FGFR4: variants seen among roughly 807,000 people sequenced by gnomAD.
FGFR4 encodes the protein hydroxyaryl-protein kinase.
In FGFR4, 63 loss-of-function variants were observed where a neutral mutation model predicts 89.9. The ratio of observed to expected loss-of-function variants is 0.70; its 90% CI spans 0.57 to 0.86. FGFR4 has a LOEUF of 0.86. Among genes scored for constraint, FGFR4 ranks in the 40% least tolerant of loss-of-function variants. The pLI is 0.00. For synonymous variants in FGFR4, 486 were observed against 479.4 expected, an observed-to-expected ratio of 1.01 and a Z score of -0.18; for missense variants, 928 against 1,106.7, an observed-to-expected ratio of 0.84 and a Z score of 2.29.
rs757780576 is a variant in FGFR4, at chr5:177,097,594, C to T, written c.2327C>T (p.Ser776Phe). Reference sequence around the variant, plus strand: ...GGTGGGGACGCCAGCAGCACCTGCTCCTCCAGCGATTCTGTCTTCAGCCAC... The same window carrying T: ...GGTGGGGACGCCAGCAGCACCTGCTTCTCCAGCGATTCTGTCTTCAGCCAC... The part of the protein sequence containing the change: ...PSGGDASSTC[S>F]SSDSVFSHDP... Residue 776 changes from serine to phenylalanine, a missense_variant, in exon 18 of 18, where the codon TCC (serine) becomes TTC (phenylalanine). Physicochemically the swap from Ser to Phe is radical, Grantham distance 155. Coordinates refer to ENST00000292408, the MANE Select transcript of FGFR4 (RefSeq NM_213647.3). 53 of 1,614,074 alleles carry T rather than the reference C, an allele frequency of 3.3e-5. No homozygotes were observed. The highest frequency in any genetic ancestry group is 4.3e-5 in the Non-Finnish European group (51 of 1,180,040).
rs537482839 is a variant in FGFR4, at chr5:177,097,833, G to C, written c.*157G>C. 2 of 889,046 alleles carry C rather than the reference G, an allele frequency of 2.2e-6. No individual in the cohort carries two copies. Among genetic ancestry groups the C allele is most frequent in the Admixed American group, 3.0e-5 (1 of 33,492 alleles). 55.1% of individuals were successfully genotyped at this position (889,046 alleles called of 1,614,324 possible). A position where few individuals can be genotyped will look rare whatever the true frequency, so the allele number is the denominator to read the frequency against. On this transcript the variant is annotated 3_prime_UTR_variant, in exon 18 of 18. Coordinates refer to ENST00000292408, the MANE Select transcript of FGFR4 (RefSeq NM_213647.3). ...CCGTGCCCTTGCCCTTGGAGCTGCC[G>C]TGCCTGTGTCCTGATGGCCCAAATG... is the stretch of plus-strand genomic sequence containing the variant.
chr5:177,097,235 T>G, intron 16 of FGFR4, 57 bp from the exon 17 acceptor site: 3 of 1,416,486 alleles, frequency 2.1e-6, no homozygotes, highest in Non-Finnish European at 2.9e-6. Flanking sequence ...CCCCCGGTCC[T>G]CCCCTTCCTC....
Position 177,092,318 on chromosome 5 carries a change from C to T in FGFR4, c.728-3C>T, listed in dbSNP as rs1462205343. On this transcript the variant is annotated splice_region_variant and splice_polypyrimidine_tract_variant and intron_variant, in intron 6 of 17. Transcript: ENST00000292408. ...AGGGTTGACTGTCTCGCCCGGTCCCCAGAGCGGTCCCCGCACCGGCCCATC... is the reference window on the plus strand; with the variant it reads ...AGGGTTGACTGTCTCGCCCGGTCCCTAGAGCGGTCCCCGCACCGGCCCATC... 1 of 1,566,602 alleles carries T rather than the reference C, an allele frequency of 6.4e-7. No homozygotes were observed. The highest frequency in any genetic ancestry group is 8.7e-7 in the Non-Finnish European group (1 of 1,152,086).
Position 177,097,607 on chromosome 5 carries a change from T to C in FGFR4, c.2340T>C (p.Ser780=), listed in dbSNP as rs1427242990. 6.2e-7 allele frequency: 1 copy of C among 1,614,222 alleles called. No individual in the cohort carries two copies. Among genetic ancestry groups the C allele is most frequent in the South Asian group, 1.1e-5 (1 of 91,092 alleles). ...DASSTCSSSD[S]VFSHDPLPLG... ...GCAGCACCTGCTCCTCCAGCGATTC[T>C]GTCTTCAGCCACGACCCCCTGCCAT... The change falls in exon 18 of 18, where the codon TCT becomes TCC. Residue 780 remains serine, a synonymous_variant. Transcript: ENST00000292408.
chr5:177,090,208 T>C (rs1440506621), intron 2 of FGFR4, 182 bp from the exon 3 acceptor site: 6 of 788,284 alleles, frequency 7.6e-6, no homozygotes, highest in South Asian at 1.4e-5. Context: ...GCCCCAAGAG[T>C]GTGGCATTTG....
In FGFR4 at chr5:177,095,785, C is replaced by A; in HGVS notation, c.1821+62C>A. 6.9e-7 allele frequency: 1 copy of A among 1,449,166 alleles called. No homozygotes were observed. Among genetic ancestry groups the A allele is most frequent in the Non-Finnish European group, 9.2e-7 (1 of 1,087,496 alleles). 89.8% of individuals were successfully genotyped at this position (1,449,166 alleles called of 1,614,324 possible). A position where few individuals can be genotyped will look rare whatever the true frequency, so the allele number is the denominator to read the frequency against. ...TCCAGCTCCACTCTCAGGCCTGTGG[C>A]ATTCAATGTCCCGACTTCTCCCTCT... is the stretch of plus-strand genomic sequence containing the variant. On this transcript the variant is annotated intron_variant, in intron 13 of 17. Coordinates refer to ENST00000292408, the MANE Select transcript of FGFR4 (RefSeq NM_213647.3). This position sits in a 1 kb window ranked among gnomAD's most constrained non-coding sequence, Gnocchi z 5.7.
Position 177,095,996 on chromosome 5 carries a change from G to A in FGFR4, c.1822-61G>A, listed in dbSNP as rs1784546566. 7 of 1,577,304 alleles carry A rather than the reference G, an allele frequency of 4.4e-6. No homozygotes were observed. Among genetic ancestry groups the A allele is most frequent in the Admixed American group, 3.5e-5 (2 of 56,630 alleles). ...CCCCTGCCCCCGGGCCTGCTGGGGG[G>A]TGGTGTGTGCTCAACTCCAGGCCAG... On this transcript the variant is annotated intron_variant, in intron 13 of 17. Transcript: ENST00000292408. This position sits in a 1 kb window ranked among gnomAD's most constrained non-coding sequence, Gnocchi z 5.7.
chr5:177,095,756 T>C lies in FGFR4; in HGVS notation c.1821+33T>C. 1 of 1,520,418 alleles carries C rather than the reference T, an allele frequency of 6.6e-7. No individual in the cohort carries two copies. The highest frequency in any genetic ancestry group is 8.8e-7 in the Non-Finnish European group (1 of 1,135,326). 94.2% of individuals were successfully genotyped at this position (1,520,418 alleles called of 1,614,324 possible). On this transcript the variant is annotated intron_variant, in intron 13 of 17. Coordinates refer to ENST00000292408, the MANE Select transcript of FGFR4 (RefSeq NM_213647.3). This position sits in a 1 kb window ranked among gnomAD's most constrained non-coding sequence, Gnocchi z 5.7. The stretch of plus-strand genomic sequence containing the variant: ...CGCTAGGGCTCTGAGCCCCTCTCAG[T>C]CTCTCCAGCTCCACTCTCAGGCCTG...
chr5:177,091,712 A>T lies in FGFR4; in HGVS notation c.631A>T (p.Met211Leu), dbSNP rs141468552. 39 of 1,614,086 alleles carry T rather than the reference A, an allele frequency of 2.4e-5. No individual in the cohort carries two copies. Among genetic ancestry groups the T allele is most frequent in the Non-Finnish European group, 3.1e-5 (37 of 1,180,050 alleles). The change falls in exon 6 of 18, where the codon ATG becomes TTG. Residue 211 changes from methionine (M) to leucine (L), a missense_variant. Transcript: ENST00000292408. ...RLRHQHWSLV[M>L]ESVVPSDRGT... ...GCGCCATCAGCACTGGAGTCTCGTG[A>T]TGGAGAGCGTGGTGCCCTCGGACCG...
rs889274073 is a variant in FGFR4 at position 177,095,963 on chromosome 5, G to A, written c.1822-94G>A. ...CTTGACCTCCTCCTCTGTAAAGTGG[G>A]TGGAGGGCCCCTGCCCCCGGGCCTG... On this transcript the variant is annotated intron_variant, in intron 13 of 17. Transcript: ENST00000292408. The surrounding 1 kb of genome is among the most constrained non-coding windows in gnomAD (Gnocchi z 5.7). The A allele has an allele frequency of 2.1e-5, 31 of 1,503,912 alleles. 1 individual carries two copies. The highest frequency in any genetic ancestry group is 2.8e-5 in the Non-Finnish European group (31 of 1,123,200). The allele number at this position is 1,503,912 out of a possible 1,614,324, so 93.2% of individuals were successfully genotyped here.
In FGFR4 at chr5:177,087,853, A is replaced by G. The variant is rs1157129960; in HGVS notation, c.-54+776A>G. On this transcript the variant is annotated intron_variant, in intron 1 of 17. Coordinates refer to ENST00000292408, the MANE Select transcript of FGFR4 (RefSeq NM_213647.3). This position sits in a 1 kb window ranked among gnomAD's most constrained non-coding sequence, Gnocchi z 6.1. ...GATGGGCAAGAGAGCACATGTGCCC[A>G]GTTTTGAAAGCCAATGGCTTCAGCG... 6.6e-6 allele frequency among the ~76,000 whole-genome samples: 1 copy of G among 152,240 alleles called. No individual in the cohort carries two copies. The highest frequency in any genetic ancestry group is 2.1e-4 in the South Asian group (1 of 4,824).
chr5:177,096,816 T>C, intron 16 of FGFR4, 75 bp downstream of exon 16: 2 of 1,516,288 alleles, frequency 1.3e-6, no homozygotes, highest in East Asian at 2.3e-5. Flanking sequence ...CCTCAGGGTG[T>C]GTCCCGGCCA....
Position 177,090,428 on chromosome 5 carries a change from G to C in FGFR4, c.130G>C (p.Glu44Gln). ...TCCCAGCCTGGAGCAGCAAGAGCAG[G>C]AGCTGACAGTAGCCCTTGGGCAGCC... The part of the protein sequence containing the change: ...LAPSLEQQEQ[E>Q]LTVALGQPVR... Residue 44 changes from glutamate (E) to glutamine (Q), a missense_variant, in exon 3 of 18, where the codon GAG becomes CAG. By Grantham distance (29) the Glu-to-Gln change is conservative. This residue lies in a region of FGFR4 where 741 missense variants were observed against 836.9 expected (regional missense o/e 0.89). Coordinates refer to ENST00000292408, the MANE Select transcript of FGFR4 (RefSeq NM_213647.3). 1.9e-6 allele frequency: 3 copies of C among 1,605,324 alleles called. No individual in the cohort carries two copies. Among genetic ancestry groups the C allele is most frequent in the Non-Finnish European group, 1.7e-6 (2 of 1,179,760 alleles).
rs1461681671 is a variant in FGFR4, at chr5:177,095,592, GC to G, written c.1693del (p.Arg565GlyfsTer56). On this transcript the variant is annotated frameshift_variant, in exon 13 of 18. Transcript: ENST00000292408. LOFTEE classifies it high-confidence loss of function. This position sits in a 1 kb window ranked among gnomAD's most constrained non-coding sequence, Gnocchi z 5.7. The part of the protein sequence containing the change: ...AKGNLREFLR[A>X]RRPPGPDLSP... ...GGGAAACCTGCGGGAGTTCCTGCGG[GC>G]CCGGCGCCCCCCAGGCCCCGACCTC... is the stretch of plus-strand genomic sequence containing the variant. 2 of 1,607,130 alleles carry G rather than the reference GC, an allele frequency of 1.2e-6. No individual in the cohort carries two copies. The highest frequency in any genetic ancestry group is 2.1e-4 in the Middle Eastern group (1 of 4,866).
chr5:177,095,457 G>A lies in FGFR4; in HGVS notation c.1630+17G>A, dbSNP rs2149737705. On this transcript the variant is annotated intron_variant, in intron 12 of 17. Transcript: ENST00000292408. The surrounding 1 kb of genome is among the most constrained non-coding windows in gnomAD (Gnocchi z 5.7). ...CCCAGGAAGGTGGGGCCGAGGCGGG[G>A]CTGGCTGCACGGGCCGTTAGGGTGC... 6.2e-7 allele frequency: 1 copy of A among 1,613,970 alleles called. No homozygotes were observed. The highest frequency in any genetic ancestry group is 8.5e-7 in the Non-Finnish European group (1 of 1,179,842).
Position 177,090,234 on chromosome 5 carries a change from C to G in FGFR4, c.92-156C>G, listed in dbSNP as rs747212211. ...GTGGCATTTGCCCTGGGTGTGGCAT[C>G]CGCAGCATGTGGCTGTGTGGGTGTC... On this transcript the variant is annotated intron_variant, in intron 2 of 17. Coordinates refer to ENST00000292408, the MANE Select transcript of FGFR4 (RefSeq NM_213647.3). The G allele has an allele frequency of 1.2e-5, 13 of 1,058,448 alleles. No individual in the cohort carries two copies. The African/African-American group carries it at 2.0e-4, about 16-fold the overall frequency. The allele number at this position is 1,058,448 out of a possible 1,614,324, so 65.6% of individuals were successfully genotyped here.
chr5:177,096,279 C>T lies in FGFR4; in HGVS notation c.1945-8C>T, dbSNP rs765256273. The T allele has an allele frequency of 6.6e-5, 107 of 1,613,964 alleles. No homozygotes were observed. The highest frequency in any genetic ancestry group is 1.7e-4 in the Admixed American group (10 of 60,002). Reference sequence around the variant, plus strand: ...GGACTCTGCACTGAGGCCCTCTCTCCCCTCCAGGGCCGCCTGCCTGTGAAG... The same window carrying T: ...GGACTCTGCACTGAGGCCCTCTCTCTCCTCCAGGGCCGCCTGCCTGTGAAG... On this transcript the variant is annotated splice_polypyrimidine_tract_variant and splice_region_variant and intron_variant, in intron 14 of 17. Transcript: ENST00000292408.
intron 16 of FGFR4, 97 bp from the exon 17 acceptor site, chr5:177,097,195 T>G (rs1784634041): frequency 1.1e-6 from 1 of 931,260 alleles, no homozygotes; most frequent in African/African-American, 1.7e-5. Context: ...CTCATCAAAC[T>G]CCCCACCAAA....
chr5:177,092,952 A>G (rs1246517850), intron 8 of FGFR4, 168 bp downstream of exon 8: 4 of 1,298,324 alleles, frequency 3.1e-6, no homozygotes, highest in African/African-American at 1.5e-5. Context: ...GTGCCTCTCC[A>G]CACGTGGCCG....
Sources: gnomAD v4.1 joint callset for allele counts (sites outside exome capture counted in the v4.1 genomes callset) on GRCh38, gnomAD v4.1.1 for gene constraint, gnomAD v4.1.1 regional missense constraint, Gnocchi (gnomAD v3.1) non-coding constraint, MANE v1.5 for transcripts, NCBI Gene and HGNC (gene_info 2026-07-23, HGNC 2026-07-21) for gene names.